Variants in SLC27A4 observed in about 807,000 individuals in gnomAD.
SLC27A4 encodes solute carrier family 27 member 4.
In SLC27A4, 33 loss-of-function variants were observed where a neutral mutation model predicts 64.4. The observed-to-expected ratio is 0.51, with a 90% CI of 0.39 to 0.68. The LOEUF is 0.68. SLC27A4 is among the 30% of genes least tolerant of loss of function. The pLI is 0.00. For missense variants in SLC27A4, 824 were observed against 883.5 expected (o/e 0.93, Z 0.85); for synonymous variants, 377 against 370.0 (o/e 1.02, Z -0.22).
chr9:128,346,279 G>A (rs1345074292), intron 3 of SLC27A4, among the ~76,000 whole-genome samples: 1 of 151,782 alleles, frequency 6.6e-6, no homozygotes, highest in East Asian at 1.9e-4. Flanking sequence ...TGTCGCCCAG[G>A]CTGGAGTGCA....
At chr9:128,349,056 G>T (rs1832698123) in intron 4 of SLC27A4, among the ~76,000 whole-genome samples, 1 of 142,084 alleles carries the variant, frequency 7.0e-6, no homozygotes, top group Non-Finnish European at 1.5e-5. Flanking sequence ...GGGTGGGAGG[G>T]TGGGTGAGGA....
intron 6 of SLC27A4, among the ~76,000 whole-genome samples, chr9:128,350,881 C>G (rs1832725513): frequency 6.6e-6 from 1 of 152,192 alleles, no homozygotes; most frequent in Non-Finnish European, 1.5e-5. Context: ...CACTTGAGGC[C>G]AGGAGTTCGA....
At chr9:128,343,002 T>G (rs1452978517) in intron 1 of SLC27A4, 125 bp from the exon 2 acceptor site, 1 of 1,272,742 alleles carries the variant, frequency 7.9e-7, no homozygotes, top group Admixed American at 2.0e-5. Flanking sequence ...GTCACCCAAC[T>G]CAGTATGGCT....
chr9:128,345,163 T>C lies in SLC27A4; in HGVS notation c.170T>C (p.Leu57Pro), dbSNP rs1420895635. ...CTCTTGTTCACACACAGTGGCGGCCTGGTCCTCCTGAAGGTGAAGGCAAAG... is the reference window on the plus strand; with the variant it reads ...CTCTTGTTCACACACAGTGGCGGCCCGGTCCTCCTGAAGGTGAAGGCAAAG... ...KTIRRDIFGGLVLLKVKAKVR... is the reference protein window; with the variant it reads ...KTIRRDIFGGPVLLKVKAKVR... The change falls in exon 3 of 13, where the codon CTG becomes CCG. Residue 57 changes from leucine (L) to proline (P), a missense_variant. Coordinates refer to ENST00000300456, the MANE Select transcript of SLC27A4 (RefSeq NM_005094.4). This position sits in a 1 kb window ranked among gnomAD's most constrained non-coding sequence, Gnocchi z 4.1. 1.9e-6 allele frequency: 3 copies of C among 1,613,196 alleles called. No homozygotes were observed.
intron 1 of SLC27A4, chr9:128,342,415 T>A (rs1012000235): frequency 8.1e-6 from 13 of 1,604,482 alleles, no homozygotes; most frequent in Non-Finnish European, 1.1e-5. Flanking sequence ...AGTATTGCCT[T>A]CTTATTTTAC....
At chr9:128,347,866 A>T (rs1328689482) in intron 3 of SLC27A4, among the ~76,000 whole-genome samples, 1 of 151,260 alleles carries the variant, frequency 6.6e-6, no homozygotes, top group African/African-American at 2.4e-5. Flanking sequence ...GTCTCTATTT[A>T]AAAAAAGCAA....
intron 1 of SLC27A4, chr9:128,342,200 C>G (rs768375663): frequency 1.3e-6 from 2 of 1,569,698 alleles, no homozygotes; most frequent in Admixed American, 3.3e-5. Context: ...CGCTCGTTCT[C>G]GCATGCCTCG....
At position 128,352,743 on chromosome 9, in the gene SLC27A4, G is replaced by A; in HGVS notation, c.983G>A (p.Cys328Tyr). 6.2e-7 allele frequency: 1 copy of A among 1,610,336 alleles called. No individual in the cohort carries two copies. The highest frequency in any genetic ancestry group is 8.5e-7 in the Non-Finnish European group (1 of 1,176,550). ...RFWDDCIKYN[C>Y]TIVQYIGELC... ...TGGGACGATTGTATCAAGTACAACTGCACGGTGAGCGAGAGCGGGAAGGGT... is the reference window on the plus strand; with the variant it reads ...TGGGACGATTGTATCAAGTACAACTACACGGTGAGCGAGAGCGGGAAGGGT... The change falls in exon 7 of 13, where the codon TGC becomes TAC. Residue 328 changes from cysteine (C) to tyrosine (Y), a missense_variant. By Grantham distance (194) the Cys-to-Tyr change is radical. Transcript: ENST00000300456.
chr9:128,340,952 C>G (rs766898049), intron 1 of SLC27A4, 114 bp downstream of exon 1: 3 of 478,980 alleles, frequency 6.3e-6, no homozygotes, highest in Admixed American at 7.5e-5. Context: ...GCTATTTCCC[C>G]GACAGACGCA....
chr9:128,342,412 C>A, intron 1 of SLC27A4: 1 of 1,604,568 alleles, frequency 6.2e-7, no homozygotes, highest in South Asian at 1.1e-5. Context: ...ACAAGTATTG[C>A]CTTCTTATTT....
At chr9:128,352,599 C>G (rs754471928) in intron 6 of SLC27A4, 39 bp from the exon 7 acceptor site, 3 of 1,517,988 alleles carry the variant, frequency 2.0e-6, no homozygotes, top group South Asian at 1.1e-5. Flanking sequence ...GGAGGGTCTT[C>G]ATCTCGCTGA....
In SLC27A4 at chr9:128,345,123, C is replaced by T. The variant is rs776393625; in HGVS notation, c.162-32C>T. 5 of 1,612,740 alleles carry T rather than the reference C, an allele frequency of 3.1e-6. No homozygotes were observed. Among genetic ancestry groups the T allele is most frequent in the Non-Finnish European group, 4.2e-6 (5 of 1,179,964 alleles). ...CAGGACCCCTCCCTCCCAACCATGG[C>T]AGACACAGCGCCCTCTCTTGTTCAC... On this transcript the variant is annotated intron_variant, in intron 2 of 12. Transcript: ENST00000300456. This position sits in a 1 kb window ranked among gnomAD's most constrained non-coding sequence, Gnocchi z 4.1.
At chr9:128,352,556 G>A in intron 6 of SLC27A4, 82 bp from the exon 7 acceptor site, 1 of 1,118,554 alleles carries the variant, frequency 8.9e-7, no homozygotes. Flanking sequence ...AAGCCTGCCT[G>A]GCTGGATGGC....
intron 1 of SLC27A4, among the ~76,000 whole-genome samples, chr9:128,341,241 C>CAGAAG (rs1832567584): frequency 6.6e-6 from 1 of 152,174 alleles, no homozygotes; most frequent in Non-Finnish European, 1.5e-5. Flanking sequence ...CCAGACCATT[C>CAGAAG]CCTTTTCCTG....
Position 128,350,467 on chromosome 9 carries a change from GC to G in SLC27A4, c.786-14del. 6.2e-7 allele frequency: 1 copy of G among 1,613,642 alleles called. No homozygotes were observed. Among genetic ancestry groups the G allele is most frequent in the Non-Finnish European group, 8.5e-7 (1 of 1,179,652 alleles). On this transcript the variant is annotated splice_polypyrimidine_tract_variant and intron_variant, in intron 5 of 12. Coordinates refer to ENST00000300456, the MANE Select transcript of SLC27A4 (RefSeq NM_005094.4). ...CTTTCTAGGGCCCGCTCAGCCCTTG[GC>G]CCTGTGCCTTCCCAGGTATTACCGC...
chr9:128,346,234 TTTTG>T (rs1028696263), intron 3 of SLC27A4, among the ~76,000 whole-genome samples: 1 of 148,810 alleles, frequency 6.7e-6, no homozygotes, highest in African/African-American at 2.5e-5. Flanking sequence ...TTTTTGTTTT[TTTTG>T]TTGTTGTTGT....
rs1832794254 is a variant in SLC27A4, at chr9:128,354,964, A to AAG, written c.1325-88_1325-87insGA. On this transcript the variant is annotated intron_variant, in intron 9 of 12. Transcript: ENST00000300456. ...GCAAAACTCCGTCTCAAAAAAAAAA[A>AAG]AAAAAAAAAAGACGCAGGGTACACC... is the stretch of plus-strand genomic sequence containing the variant. The AAG allele has an allele frequency of 4.5e-6, 6 of 1,333,674 alleles. No individual in the cohort carries two copies. The East Asian group carries it at 1.5e-4, about 34-fold the overall frequency. The allele number at this position is 1,333,674 out of a possible 1,614,324, so 82.6% of individuals were successfully genotyped here. A position where few individuals can be genotyped will look rare whatever the true frequency, so the allele number is the denominator to read the frequency against.
chr9:128,355,296 T>G (rs1832800701), intron 10 of SLC27A4, 102 bp from the exon 11 acceptor site: 1 of 1,599,206 alleles, frequency 6.3e-7, no homozygotes, highest in African/African-American at 1.3e-5. Flanking sequence ...TCCTGGCCCT[T>G]GTGGTCAAAC....
Position 128,345,447 on chromosome 9 carries a change from G to A in SLC27A4, c.454G>A (p.Glu152Lys), listed in dbSNP as rs775849865. 6.2e-7 allele frequency: 1 copy of A among 1,613,486 alleles called. No individual in the cohort carries two copies. The highest frequency in any genetic ancestry group is 1.3e-5 in the African/African-American group (1 of 75,056). The part of the protein sequence containing the change: ...LWLGMAKLGV[E>K]AALINTNLRR... ...GCTGGGCATGGCCAAGCTCGGTGTG[G>A]AGGCAGCCCTCATCAACACCAACCT... Residue 152 changes from glutamate to lysine, a missense_variant, in exon 3 of 13, where the codon GAG becomes AAG. Coordinates refer to ENST00000300456, the MANE Select transcript of SLC27A4 (RefSeq NM_005094.4). The surrounding 1 kb of genome is among the most constrained non-coding windows in gnomAD (Gnocchi z 4.1).
Sources: gnomAD v4.1 joint callset for allele counts (sites outside exome capture counted in the v4.1 genomes callset) on GRCh38, gnomAD v4.1.1 for gene constraint, Gnocchi (gnomAD v3.1) non-coding constraint, MANE v1.5 for transcripts, NCBI Gene and HGNC (gene_info 2026-07-23, HGNC 2026-07-21) for gene names.